The following CDH18 variants were observed in gnomAD, a reference collection of about 807,000 sequenced individuals.
The protein encoded by CDH18 is cadherin 18.
In CDH18, 31 loss-of-function variants were observed where a neutral mutation model predicts 67.9. The ratio of observed to expected loss-of-function variants is 0.46; its 90% confidence interval spans 0.34 to 0.62. The LOEUF (loss-of-function observed/expected upper bound fraction) is 0.62. Among genes scored for constraint, CDH18 ranks in the 20% least tolerant of loss-of-function variants. The pLI, the probability that CDH18 is intolerant of heterozygous loss-of-function variation, is 0.01. For synonymous variants in CDH18, 362 were observed against 347.2 expected, an observed-to-expected ratio of 1.04 and a Z score of -0.48; for missense variants, 890 against 975.5, an observed-to-expected ratio of 0.91 and a Z score of 1.17.
intron 5 of CDH18, among the ~76,000 whole-genome samples, chr5:19,657,110 T>C (rs1360361916): frequency 6.6e-6 from 1 of 152,122 alleles, no homozygotes; most frequent in Non-Finnish European, 1.5e-5. Context: ...TCTTGTAACA[T>C]TTATAAAATC....
chr5:20,395,926 G>A (rs945887019), intron 1 of CDH18, among the ~76,000 whole-genome samples: 1 of 152,142 alleles, frequency 6.6e-6, no homozygotes, highest in African/African-American at 2.4e-5. Flanking sequence ...AGCTTAGAGA[G>A]GGCATGGAAG....
intron 2 of CDH18, among the ~76,000 whole-genome samples, chr5:20,022,467 T>A (rs1580058462): frequency 6.6e-6 from 1 of 152,212 alleles, no homozygotes; most frequent in Non-Finnish European, 1.5e-5. Flanking sequence ...AACTTAAACA[T>A]CTTAAATAAA....
At chr5:20,183,559 A>G (rs2126692287) in intron 2 of CDH18, among the ~76,000 whole-genome samples, 1 of 152,236 alleles carries the variant, frequency 6.6e-6, no homozygotes, top group African/African-American at 2.4e-5. Flanking sequence ...CAATTCAATG[A>G]AAAAATAAAT....
upstream of CDH18, among the ~76,000 whole-genome samples, chr5:19,990,061 G>T (rs931055944): frequency 5.3e-5 from 8 of 152,144 alleles, no homozygotes; most frequent in African/African-American, 1.9e-4. Flanking sequence ...GTAGTGTCCA[G>T]ACACAAATTC....
intron 1 of CDH18, among the ~76,000 whole-genome samples, chr5:20,419,229 G>A (rs1227167553): frequency 1.3e-5 from 2 of 151,912 alleles, no homozygotes; most frequent in Admixed American, 6.6e-5. Context: ...ATTTTTGTCT[G>A]CTGCTATGAT....
chr5:20,084,408 T>G (rs541947698), intron 2 of CDH18, among the ~76,000 whole-genome samples: 1 of 152,166 alleles, frequency 6.6e-6, no homozygotes, highest in Non-Finnish European at 1.5e-5. Flanking sequence ...CCTGGCTGCT[T>G]TCATGGGCTG....
intron 1 of CDH18, among the ~76,000 whole-genome samples, chr5:20,390,293 A>G (rs910077548): frequency 6.6e-6 from 1 of 152,182 alleles, no homozygotes; most frequent in Non-Finnish European, 1.5e-5. Flanking sequence ...AATTTACAAG[A>G]AAAAAACAAA....
At chr5:20,555,478 CTT>C (rs562432661) in intron 1 of CDH18, among the ~76,000 whole-genome samples, 70 of 121,000 alleles carry the variant, frequency 5.8e-4, no homozygotes, top group African/African-American at 2.3e-3. Context: ...GATTCTCTCA[CTT>C]TGTCACCAGG....
chr5:20,324,183 G>C (rs369334764), intron 1 of CDH18, among the ~76,000 whole-genome samples: 1 of 152,182 alleles, frequency 6.6e-6, no homozygotes, highest in East Asian at 1.9e-4. Context: ...GTGTGCAGTT[G>C]TGGATTTTGT....
intron 2 of CDH18, among the ~76,000 whole-genome samples, chr5:20,090,444 A>G (rs1304788714): frequency 6.6e-6 from 1 of 152,124 alleles, no homozygotes; most frequent in Non-Finnish European, 1.5e-5. Flanking sequence ...CTGAGGCAGG[A>G]GAATCGCTTG....
chr5:19,920,531 T>C (rs75690957), intron 2 of CDH18, among the ~76,000 whole-genome samples: 4,886 of 105,626 alleles, frequency 0.046, 290 homozygotes, highest in East Asian at 0.28. Flanking sequence ...TTTTTTTTTT[T>C]CAGACGGTGT....
intron 2 of CDH18, among the ~76,000 whole-genome samples, chr5:20,059,637 C>A (rs112935683): frequency 0.059 from 8,911 of 152,224 alleles, 370 homozygotes; most frequent in African/African-American, 0.11. Context: ...GATTATAAAT[C>A]ATTCTACTAT....
At chr5:19,578,856 T>G (rs979422021) in intron 7 of CDH18, among the ~76,000 whole-genome samples, 2 of 152,034 alleles carry the variant, frequency 1.3e-5, no homozygotes, top group African/African-American at 4.8e-5. Context: ...TTGTTGCAGT[T>G]AATACATTTT....
chr5:20,448,523 A>C (rs2150202791), intron 1 of CDH18, among the ~76,000 whole-genome samples: 1 of 152,310 alleles, frequency 6.6e-6, no homozygotes, highest in African/African-American at 2.4e-5. Context: ...TGAACTGATT[A>C]AAATTCACCC....
chr5:20,298,463 C>T (rs1035657359), intron 1 of CDH18, among the ~76,000 whole-genome samples: 4 of 152,084 alleles, frequency 2.6e-5, no homozygotes, highest in African/African-American at 9.7e-5. Flanking sequence ...GGGAAGTTGT[C>T]TATTCACTGA....
At position 20,482,389 on chromosome 5, in the gene CDH18, T is replaced by C. The variant is rs187767477; in HGVS notation, c.-580+93073A>G. 1.8e-4 allele frequency among the ~76,000 whole-genome samples: 27 copies of C among 152,100 alleles called. No individual in the cohort carries two copies. In the East Asian group the frequency reaches 4.6e-3, roughly 26 times the overall value. ...ACTAATACCAATCCTACTCAAACTA[T>C]TACAAAAAGTAGGAAAGAAGAGATT... On this transcript the variant is annotated intron_variant, in intron 1 of 14. Coordinates refer to the CDH18 transcript ENST00000507958.
chr5:19,696,109 G>A (rs557356519), intron 5 of CDH18, among the ~76,000 whole-genome samples: 6 of 152,226 alleles, frequency 3.9e-5, no homozygotes, highest in African/African-American at 1.4e-4. Flanking sequence ...AAAGAACTGT[G>A]TAGGTATACT....
chr5:20,256,988 C>A (rs1386777729), intron 1 of CDH18, among the ~76,000 whole-genome samples: 19 of 122,128 alleles, frequency 1.6e-4, no homozygotes, highest in South Asian at 2.7e-4. Flanking sequence ...ATATCTATAT[C>A]TATCTATCTA....
At chr5:20,176,441 G>T (rs1737241099) in intron 2 of CDH18, among the ~76,000 whole-genome samples, 1 of 152,064 alleles carries the variant, frequency 6.6e-6, no homozygotes, top group Admixed American at 6.6e-5. Context: ...GATACGACTT[G>T]CTTCTAATGA....
Sources: gnomAD v4.1 joint callset for allele counts (sites outside exome capture counted in the v4.1 genomes callset) on GRCh38, gnomAD v4.1.1 for gene constraint, MANE v1.5 for transcripts, NCBI Gene and HGNC (gene_info 2026-07-23, HGNC 2026-07-21) for gene names.